FILIP1L: variants seen among roughly 807,000 people sequenced by gnomAD.
FILIP1L encodes the protein filamin A interacting protein 1 like.
In FILIP1L, 55 loss-of-function variants were observed where a neutral mutation model predicts 96.6. The observed-to-expected ratio is 0.57, with a 90% CI of 0.46 to 0.71. The LOEUF is 0.71. FILIP1L is among the 30% of genes least tolerant of loss of function. The pLI is 0.00. For missense variants in FILIP1L, 1,304 were observed against 1,321.2 expected, an observed-to-expected ratio of 0.99 and a Z score of 0.20; for synonymous variants, 467 against 473.9, an observed-to-expected ratio of 0.99 and a Z score of 0.19.
At chr3:99,902,411 A>G (rs1706466000) in intron 4 of FILIP1L, among the ~76,000 whole-genome samples, 1 of 152,206 alleles carries the variant, frequency 6.6e-6, no homozygotes, top group African/African-American at 2.4e-5. Context: ...AGTTTCTCAG[A>G]TGCATTTCCA....
intron 4 of FILIP1L, chr3:99,876,089 G>T: frequency 1.0e-6 from 1 of 986,400 alleles, no homozygotes; most frequent in Non-Finnish European, 1.2e-6. Flanking sequence ...GCCTGCGCCG[G>T]GGCCGGGCGG....
chr3:100,092,088 T>C (rs780191055), intron 1 of FILIP1L, among the ~76,000 whole-genome samples: 1 of 152,234 alleles, frequency 6.6e-6, no homozygotes, highest in Non-Finnish European at 1.5e-5. Context: ...CAGTGGTCCT[T>C]AAAAATGTAC....
At chr3:99,928,964 A>G (rs1017657949) in intron 3 of FILIP1L, among the ~76,000 whole-genome samples, 4 of 152,254 alleles carry the variant, frequency 2.6e-5, no homozygotes, top group Admixed American at 1.3e-4. Context: ...CTCTTCTCTC[A>G]TGAGATACTA....
At chr3:99,878,497 T>C (rs114686463) in intron 4 of FILIP1L, among the ~76,000 whole-genome samples, 2,566 of 152,338 alleles carry the variant, frequency 0.017, 71 homozygotes, top group African/African-American at 0.058. Context: ...TCTACATAAA[T>C]AGTCTTGTCT....
At chr3:99,935,791 TA>T (rs1707646251) in intron 1 of FILIP1L, among the ~76,000 whole-genome samples, 1 of 152,200 alleles carries the variant, frequency 6.6e-6, no homozygotes, top group Non-Finnish European at 1.5e-5. Flanking sequence ...TTTTCCTATG[TA>T]GTTCCTTTAG....
chr3:100,060,013 G>A (rs1236525480), intron 1 of FILIP1L, among the ~76,000 whole-genome samples: 1 of 151,396 alleles, frequency 6.6e-6, no homozygotes, highest in African/African-American at 2.4e-5. Context: ...GGTGGCACAG[G>A]CAGTTTTCCT....
intron 1 of FILIP1L, among the ~76,000 whole-genome samples, chr3:100,032,623 A>T (rs766777): frequency 0.012 from 1,840 of 152,290 alleles, 24 homozygotes; most frequent in African/African-American, 0.027. Flanking sequence ...TTTTGACATA[A>T]AGGCTATATT....
intron 1 of FILIP1L, among the ~76,000 whole-genome samples, chr3:99,995,531 A>G (rs111633828): frequency 6.6e-6 from 1 of 152,140 alleles, no homozygotes. Context: ...TCACAGCTCC[A>G]CTAGGCAGTG....
chr3:100,037,258 G>A (rs1188614313), intron 1 of FILIP1L, among the ~76,000 whole-genome samples: 7 of 152,072 alleles, frequency 4.6e-5, no homozygotes, highest in Non-Finnish European at 1.0e-4. Flanking sequence ...GGGACATGAT[G>A]TCTGCAACTT....
At chr3:99,940,803 A>G (rs1187673267) in intron 1 of FILIP1L, among the ~76,000 whole-genome samples, 2 of 152,250 alleles carry the variant, frequency 1.3e-5, no homozygotes, top group Non-Finnish European at 2.9e-5. Context: ...ACCCAGCCTA[A>G]TAAGGACCTT....
At chr3:100,012,638 A>G (rs1710191686) in intron 1 of FILIP1L, among the ~76,000 whole-genome samples, 1 of 152,200 alleles carries the variant, frequency 6.6e-6, no homozygotes, top group Admixed American at 6.5e-5. Flanking sequence ...GACTCAGTTC[A>G]GCTAAACTAC....
At chr3:100,020,269 A>C (rs1335199788) in intron 1 of FILIP1L, among the ~76,000 whole-genome samples, 3 of 152,144 alleles carry the variant, frequency 2.0e-5, no homozygotes, top group Non-Finnish European at 4.4e-5. Context: ...CAAATAAATC[A>C]TTTGCAGATT....
intron 4 of FILIP1L, among the ~76,000 whole-genome samples, chr3:99,873,842 C>T (rs1244986025): frequency 6.6e-6 from 1 of 152,150 alleles, no homozygotes; most frequent in Non-Finnish European, 1.5e-5. Flanking sequence ...ACAAAAATAC[C>T]AGGGCTTAAC....
intron 4 of FILIP1L, among the ~76,000 whole-genome samples, chr3:99,878,917 T>C (rs1289609726): frequency 6.6e-6 from 1 of 152,218 alleles, no homozygotes; most frequent in Non-Finnish European, 1.5e-5. Flanking sequence ...TTTTATTCTC[T>C]TGGTTTCTGA....
intron 1 of FILIP1L, among the ~76,000 whole-genome samples, chr3:100,050,313 AG>A (rs2065348509): frequency 6.6e-6 from 1 of 152,194 alleles, no homozygotes; most frequent in African/African-American, 2.4e-5. Flanking sequence ...GAACTTACAC[AG>A]AGAGGGAGTT....
chr3:99,859,371 AG>A (rs1199781779), intron 4 of FILIP1L, among the ~76,000 whole-genome samples: 1 of 152,234 alleles, frequency 6.6e-6, no homozygotes, highest in Non-Finnish European at 1.5e-5. Context: ...ATGATACCAA[AG>A]CTTGTTTGGT....
rs1943614123 is a variant in FILIP1L, at chr3:99,850,358, C to CTTG, written c.1315_1317dup (p.Gln439dup). 1 of 1,612,762 alleles carries CTTG rather than the reference C, an allele frequency of 6.2e-7. No individual in the cohort carries two copies. The highest frequency in any genetic ancestry group is 8.5e-7 in the Non-Finnish European group (1 of 1,179,800). On this transcript the variant is annotated inframe_insertion, in exon 5 of 6. Transcript: ENST00000477258. ...AAATTGCATTTCAGAGAGTAGCATT[C>CTTG]TTGTTTGCTTTTGTTGAAAGCGTCT...
intron 4 of FILIP1L, among the ~76,000 whole-genome samples, chr3:99,907,720 T>C (rs369416766): frequency 6.6e-6 from 1 of 152,336 alleles, no homozygotes; most frequent in East Asian, 1.9e-4. Flanking sequence ...AGTCCACCTA[T>C]AATGATTTTT....
At chr3:100,051,436 A>G (rs2065370864) in intron 1 of FILIP1L, 2 of 151,768 alleles carry the variant, frequency 1.3e-5, no homozygotes, top group South Asian at 4.2e-4. Flanking sequence ...TACATGTGCC[A>G]TGTTGGTGTG....
Sources: allele counts gnomAD v4.1 joint callset (sites outside exome capture counted in the v4.1 genomes callset), GRCh38; gene constraint gnomAD v4.1.1; transcripts MANE v1.5; gene names NCBI Gene and HGNC (gene_info 2026-07-23, HGNC 2026-07-21).